PARG: variants seen among roughly 807,000 people sequenced by gnomAD.
PARG encodes the protein poly(ADP-ribose) glycohydrolase, also known as mitochondrial poly(ADP-ribose) glycohydrolase.
PARG carries 35 observed loss-of-function variants against 113.0 expected under a neutral mutation model. That is an observed-to-expected ratio of 0.31 (90% CI 0.24 to 0.41). The LOEUF (loss-of-function observed/expected upper bound fraction) is 0.41, where lower values mean the gene tolerates loss of function less well. PARG is among the 10% of genes least tolerant of loss of function. The pLI is 1.00. For missense variants in PARG, 797 were observed against 1,169.4 expected, an observed-to-expected ratio of 0.68 and a Z score of 4.64; for synonymous variants, 330 against 409.9, an observed-to-expected ratio of 0.81 and a Z score of 2.36.
chr10:49,926,317 A>G (rs1838161118), intron 4 of PARG, among the ~76,000 whole-genome samples: 1 of 151,862 alleles, frequency 6.6e-6, no homozygotes, highest in Non-Finnish European at 1.5e-5. Context: ...GCTTCAAGGG[A>G]AATTCCAGGC....
intron 4 of PARG, among the ~76,000 whole-genome samples, chr10:49,923,012 G>A (rs1164824371): frequency 6.6e-6 from 1 of 152,104 alleles, no homozygotes; most frequent in African/African-American, 2.4e-5. Flanking sequence ...ATGCTATAAC[G>A]CCTATACTCT....
chr10:49,868,507 T>C (rs1337582521), intron 10 of PARG, among the ~76,000 whole-genome samples: 2 of 152,110 alleles, frequency 1.3e-5, no homozygotes, highest in African/African-American at 2.4e-5. Flanking sequence ...CAATGTCCAA[T>C]AGCAATACAT....
intron 15 of PARG, among the ~76,000 whole-genome samples, chr10:49,833,620 A>G (rs1414219988): frequency 6.6e-6 from 1 of 152,242 alleles, no homozygotes; most frequent in East Asian, 1.9e-4. Context: ...TATTAATTAA[A>G]TGAACAGCTC....
At chr10:49,823,541 TAA>T (rs1252179209) in intron 16 of PARG, among the ~76,000 whole-genome samples, 18 of 152,292 alleles carry the variant, frequency 1.2e-4, no homozygotes, top group Admixed American at 3.3e-4. Flanking sequence ...AAAATAGAGA[TAA>T]GTTTTAATTA....
chr10:49,916,136 A>G, intron 6 of PARG, 145 bp from the exon 7 acceptor site: 4 of 659,762 alleles, frequency 6.1e-6, no homozygotes, highest in Non-Finnish European at 1.1e-5. Context: ...TGATATGGAC[A>G]TCAGTAGCTA....
chr10:49,839,298 T>C (rs1554831770), intron 15 of PARG, among the ~76,000 whole-genome samples: 1 of 151,832 alleles, frequency 6.6e-6, no homozygotes, highest in African/African-American at 2.4e-5. Flanking sequence ...GACCACGCCA[T>C]TGTACTCCAG....
chr10:49,835,758 T>G (rs1294151433), intron 15 of PARG, among the ~76,000 whole-genome samples: 1 of 151,956 alleles, frequency 6.6e-6, no homozygotes, highest in African/African-American at 2.4e-5. Flanking sequence ...ATTTTACACT[T>G]AAGTAAGATC....
intron 7 of PARG, among the ~76,000 whole-genome samples, chr10:49,903,778 TTCAAGC>T (rs1848450388): frequency 1.3e-5 from 2 of 150,808 alleles, no homozygotes; most frequent in Non-Finnish European, 3.0e-5. Context: ...ACCATCAGGT[TTCAAGC>T]AGGAAAAGTG....
At chr10:49,868,306 AC>A (rs1406679194) in intron 10 of PARG, among the ~76,000 whole-genome samples, 4 of 152,170 alleles carry the variant, frequency 2.6e-5, no homozygotes. Context: ...CATCTTTTTA[AC>A]AAGTCATTAC....
intron 6 of PARG, among the ~76,000 whole-genome samples, chr10:49,921,253 G>A (rs1289350850): frequency 6.6e-6 from 1 of 152,168 alleles, no homozygotes; most frequent in African/African-American, 2.4e-5. Flanking sequence ...CTTAGAACTA[G>A]TCAGGTGCTC....
chr10:49,933,606 A>C lies in PARG; in HGVS notation c.842T>G (p.Leu281Trp). The change falls in exon 3 of 18, where the codon TTG becomes TGG. Residue 281 changes from leucine (L) to tryptophan (W), a missense_variant. By Grantham distance (61) the Leu-to-Trp change is moderately conservative. Coordinates refer to ENST00000616448, the MANE Select transcript of PARG (RefSeq NM_003631.5). Reference sequence around the variant, plus strand: ...TCCTAGGCAACTTTCTTGTCTAGTCAATTTGTTGTCATTTTTTGGCCCAGT... The same window carrying C: ...TCCTAGGCAACTTTCTTGTCTAGTCCATTTGTTGTCATTTTTTGGCCCAGT... Reference protein sequence around the residue: ...VGTGPKNDNKLTRQESCLGNS... With the variant: ...VGTGPKNDNKWTRQESCLGNS... 2 of 1,610,962 alleles carry C rather than the reference A, an allele frequency of 1.2e-6. No homozygotes were observed. Among genetic ancestry groups the C allele is most frequent in the Non-Finnish European group, 1.7e-6 (2 of 1,177,296 alleles).
chr10:49,929,389 A>C (rs1468231748), intron 4 of PARG, among the ~76,000 whole-genome samples: 1 of 151,794 alleles, frequency 6.6e-6, no homozygotes, highest in Non-Finnish European at 1.5e-5. Context: ...ATTTTACCTC[A>C]TAATAATGCA....
In PARG at chr10:49,920,451, TA is replaced by T. The variant is rs781928566; in HGVS notation, c.1662+1884del. On this transcript the variant is annotated intron_variant, in intron 6 of 17. Coordinates refer to ENST00000616448, the MANE Select transcript of PARG (RefSeq NM_003631.5). ...GATGGAGCAAGACCCAGCCTCAAAT[TA>T]AAAAAAAAAAAATATATATATATAT... 1.6e-3 allele frequency among the ~76,000 whole-genome samples: 65 copies of T among 39,860 alleles called. 2 individuals carry two copies. The highest frequency in any genetic ancestry group is 2.5e-3 in the South Asian group (3 of 1,216). The allele number at this position is 39,860 out of a possible 152,430, so 26.1% of individuals were successfully genotyped here.
intron 16 of PARG, among the ~76,000 whole-genome samples, chr10:49,820,984 G>C (rs1317513015): frequency 6.6e-6 from 1 of 152,104 alleles, no homozygotes; most frequent in Non-Finnish European, 1.5e-5. Context: ...CTGGCCTTTT[G>C]TATAGGCACA....
At chr10:49,925,669 A>C (rs538729308) in intron 4 of PARG, among the ~76,000 whole-genome samples, 3 of 152,350 alleles carry the variant, frequency 2.0e-5, no homozygotes, top group South Asian at 4.1e-4. Context: ...TAAAAAGGGA[A>C]GAACTATGGA....
intron 8 of PARG, among the ~76,000 whole-genome samples, chr10:49,884,399 G>C (rs535704499): frequency 3.8e-4 from 58 of 152,334 alleles, no homozygotes; most frequent in African/African-American, 1.3e-3. Flanking sequence ...AGGAGTTTGA[G>C]ACGAGCCTGG....
Position 49,820,279 on chromosome 10 carries a change from A to G in PARG, c.2662T>C (p.Leu888=). 2 of 1,548,546 alleles carry G rather than the reference A, an allele frequency of 1.3e-6. No homozygotes were observed. The change falls in exon 17 of 18, where the codon TTG becomes CTG. Residue 888 remains leucine, a synonymous_variant. Coordinates refer to ENST00000616448, the MANE Select transcript of PARG (RefSeq NM_003631.5). ...TCTCGCTCAGCTGCAGCAGCTGCCA[A>G]TATCTGTATTAAGGCTGAGGCAAAG... is the stretch of plus-strand genomic sequence containing the variant. The part of the protein sequence containing the change: ...DARLKALIQI[L]AAAAAERDVV...
intron 15 of PARG, among the ~76,000 whole-genome samples, chr10:49,840,282 G>A (rs1338536423): frequency 3.3e-5 from 5 of 151,938 alleles, no homozygotes; most frequent in Non-Finnish European, 1.5e-5. Flanking sequence ...TAGCTACTCA[G>A]GAGGCTGAGA....
At chr10:49,844,552 G>A (rs1845408720) in intron 13 of PARG, among the ~76,000 whole-genome samples, 1 of 151,596 alleles carries the variant, frequency 6.6e-6, no homozygotes, top group Non-Finnish European at 1.5e-5. Context: ...GAACCTGGGA[G>A]GCAGAGGTTG....
Sources: allele counts gnomAD v4.1 joint callset (sites outside exome capture counted in the v4.1 genomes callset), GRCh38; gene constraint gnomAD v4.1.1; transcripts MANE v1.5; gene names NCBI Gene and HGNC (gene_info 2026-07-23, HGNC 2026-07-21).